Variants in SEL1L3 observed in about 807,000 individuals in gnomAD.
The protein encoded by SEL1L3 is SEL1L family member 3.
In SEL1L3, 76 loss-of-function variants were observed where a neutral mutation model predicts 142.8. The observed-to-expected ratio is 0.53, with a 90% CI of 0.44 to 0.64. SEL1L3 has a LOEUF of 0.64. Ranked by LOEUF, SEL1L3 falls within the 30% of genes least tolerant of loss-of-function variation. SEL1L3 has a pLI of 0.00. For missense variants in SEL1L3, 1,262 were observed against 1,381.7 expected (o/e 0.91, Z 1.37); for synonymous variants, 504 against 519.6 (o/e 0.97, Z 0.41).
intron 2 of SEL1L3, among the ~76,000 whole-genome samples, chr4:25,838,710 C>T (rs886730323): frequency 1.8e-4 from 27 of 152,198 alleles, no homozygotes; most frequent in African/African-American, 6.3e-4. Flanking sequence ...CCTCTGGAGC[C>T]GGCTTCAGCA....
intron 9 of SEL1L3, among the ~76,000 whole-genome samples, chr4:25,807,065 A>G (rs1378081968): frequency 6.6e-6 from 1 of 152,192 alleles, no homozygotes; most frequent in Non-Finnish European, 1.5e-5. Flanking sequence ...ATGGCGTATT[A>G]TGCCATTGTA....
At chr4:25,829,301 G>A (rs1355692161) in intron 6 of SEL1L3, among the ~76,000 whole-genome samples, 2 of 152,192 alleles carry the variant, frequency 1.3e-5, no homozygotes, top group African/African-American at 4.8e-5. Context: ...TTCAATTTCA[G>A]ATGTTCTTTG....
At chr4:25,742,435 A>G (rs1166788973), downstream of SEL1L3, among the ~76,000 whole-genome samples, 1 of 151,992 alleles carries the variant, frequency 6.6e-6, no homozygotes, top group East Asian at 2.0e-4. Flanking sequence ...ATCTTGGTGC[A>G]ATCAGGTGCG....
At position 25,830,161 on chromosome 4, in the gene SEL1L3, G is replaced by A. The variant is rs201251348; in HGVS notation, c.1099-5C>T. On this transcript the variant is annotated splice_polypyrimidine_tract_variant and splice_region_variant and intron_variant, in intron 5 of 23. Transcript: ENST00000399878. ...AATGCTAGTGGTTACTACTATCTAT[G>A]ATGGGAGGGATACACAAGAATCAGT... The A allele has an allele frequency of 3.5e-5, 55 of 1,590,272 alleles. No individual in the cohort carries two copies. In the Middle Eastern group the frequency reaches 8.3e-4, roughly 24 times the overall value.
At chr4:25,722,623 GCT>G in the SEL1L3 span, among the ~76,000 whole-genome samples, 21 of 125,094 alleles carry the variant, frequency 1.7e-4, no homozygotes, top group South Asian at 1.5e-3. Flanking sequence ...TCCAAAGGAG[GCT>G]TTTTTTTTTT....
At chr4:25,802,726 C>T (rs554600824) in intron 10 of SEL1L3, among the ~76,000 whole-genome samples, 15 of 152,222 alleles carry the variant, frequency 9.9e-5, no homozygotes, top group Admixed American at 8.5e-4. Flanking sequence ...GGACTACAGG[C>T]GTGCACCACA....
chr4:25,785,486 T>C (rs942669633), intron 13 of SEL1L3, among the ~76,000 whole-genome samples: 1 of 152,364 alleles, frequency 6.6e-6, no homozygotes, highest in South Asian at 2.1e-4. Context: ...CCAGGAACCA[T>C]GCAGGATATG....
chr4:25,730,097 C>A, the SEL1L3 span, among the ~76,000 whole-genome samples: 1 of 151,928 alleles, frequency 6.6e-6, no homozygotes, highest in African/African-American at 2.4e-5. Context: ...CCATGCCTGG[C>A]TAATTTTTGT....
chr4:25,760,127 C>A (rs1339225012), intron 20 of SEL1L3: 1 of 152,096 alleles, frequency 6.6e-6, no homozygotes, highest in Non-Finnish European at 1.5e-5. Flanking sequence ...TCTATGTGCC[C>A]ATGTGTTCTC....
At chr4:25,826,875 C>G (rs1029989869) in intron 6 of SEL1L3, among the ~76,000 whole-genome samples, 1 of 151,984 alleles carries the variant, frequency 6.6e-6, no homozygotes, top group Non-Finnish European at 1.5e-5. Context: ...TGTTGCCCAG[C>G]CTGGTCTCAA....
the SEL1L3 span, among the ~76,000 whole-genome samples, chr4:25,733,354 A>T: frequency 6.6e-6 from 1 of 151,554 alleles, no homozygotes; most frequent in Non-Finnish European, 1.5e-5. Flanking sequence ...GTTATCCCTC[A>T]GTATTTCTTA....
At chr4:25,845,249 C>G (rs1014644920) in intron 2 of SEL1L3, among the ~76,000 whole-genome samples, 20 of 152,196 alleles carry the variant, frequency 1.3e-4, no homozygotes, top group African/African-American at 4.6e-4. Flanking sequence ...TAATTCAGCA[C>G]TTTGGAAGGC....
At chr4:25,752,794 T>C (rs747227176) in intron 23 of SEL1L3, among the ~76,000 whole-genome samples, 1 of 152,236 alleles carries the variant, frequency 6.6e-6, no homozygotes, top group Non-Finnish European at 1.5e-5. Context: ...CTAATTTTTG[T>C]ATTTTTAGTA....
the SEL1L3 span, among the ~76,000 whole-genome samples, chr4:25,736,242 T>TGTGTGTGTGAGA: frequency 6.6e-6 from 1 of 150,442 alleles, no homozygotes; most frequent in African/African-American, 2.4e-5. Context: ...TGTGTGTGTG[T>TGTGTGTGTGAGA]GATGGAGTTT....
chr4:25,767,942 ACC>A, intron 17 of SEL1L3, 112 bp from the exon 18 acceptor site: 1 of 673,716 alleles, frequency 1.5e-6, no homozygotes, highest in South Asian at 2.0e-5. Context: ...TTTTAAAAAA[ACC>A]ACAAAATCGT....
the SEL1L3 span, among the ~76,000 whole-genome samples, chr4:25,737,592 T>A: frequency 6.6e-6 from 1 of 152,304 alleles, no homozygotes; most frequent in East Asian, 1.9e-4. Context: ...AATTAGGGAT[T>A]CTACATTTGA....
intron 6 of SEL1L3, among the ~76,000 whole-genome samples, chr4:25,824,514 G>C (rs985307093): frequency 6.6e-6 from 1 of 152,230 alleles, no homozygotes; most frequent in Non-Finnish European, 1.5e-5. Flanking sequence ...GTCAGGCACA[G>C]AGCAGACACC....
intron 9 of SEL1L3, among the ~76,000 whole-genome samples, chr4:25,807,533 TG>T (rs1467324371): frequency 1.3e-5 from 2 of 152,048 alleles, no homozygotes; most frequent in East Asian, 3.9e-4. Flanking sequence ...GTGCTCATCT[TG>T]GATGCCCCTC....
intron 2 of SEL1L3, among the ~76,000 whole-genome samples, chr4:25,843,372 C>T (rs893378682): frequency 8.5e-5 from 13 of 152,102 alleles, no homozygotes; most frequent in African/African-American, 2.4e-4. Context: ...ACCAGGATGA[C>T]GGCACTCCAC....
Sources: gnomAD v4.1 joint callset for allele counts (sites outside exome capture counted in the v4.1 genomes callset) on GRCh38, gnomAD v4.1.1 for gene constraint, MANE v1.5 for transcripts, NCBI Gene and HGNC (gene_info 2026-07-23, HGNC 2026-07-21) for gene names.